Variants in DIP2B observed in about 807,000 individuals in gnomAD.
DIP2B encodes the protein disco-interacting protein 2 homolog B.
Under a neutral mutation model 198.0 loss-of-function variants are expected in DIP2B, and 76 were observed. The observed-to-expected ratio is 0.38, with a 90% CI of 0.32 to 0.46. The LOEUF is 0.46. DIP2B is among the 20% of genes least tolerant of loss of function. The pLI is 0.99. For synonymous variants in DIP2B, 701 were observed against 739.1 expected (o/e 0.95, Z 0.84); for missense variants, 1,559 against 1,978.4 (o/e 0.79, Z 4.02).
chr12:50,734,132 T>C lies in DIP2B; in HGVS notation c.3982-3T>C, dbSNP rs765806636. The C allele has an allele frequency of 1.2e-6, 2 of 1,614,172 alleles. No homozygotes were observed. Among genetic ancestry groups the C allele is most frequent in the Non-Finnish European group, 1.7e-6 (2 of 1,180,006 alleles). Reference sequence around the variant, plus strand: ...AACAACGCATTGATTTGTCTTTCTTTAGGGAACCTCAGGGCCTGATCCGAC... The same window carrying C: ...AACAACGCATTGATTTGTCTTTCTTCAGGGAACCTCAGGGCCTGATCCGAC... On this transcript the variant is annotated splice_polypyrimidine_tract_variant and splice_region_variant and intron_variant, in intron 32 of 37. Coordinates refer to ENST00000301180, the MANE Select transcript of DIP2B (RefSeq NM_173602.3).
intron 2 of DIP2B, among the ~76,000 whole-genome samples, chr12:50,627,340 AT>A (rs940978268): frequency 7.1e-4 from 106 of 148,262 alleles, no homozygotes; most frequent in Non-Finnish European, 1.2e-3. Flanking sequence ...ACTATGAGAA[AT>A]TTTTTTTTTT....
chr12:50,594,191 G>A (rs764327889), intron 1 of DIP2B, among the ~76,000 whole-genome samples: 1 of 151,386 alleles, frequency 6.6e-6, no homozygotes, highest in East Asian at 2.0e-4. Flanking sequence ...TAATCCACCC[G>A]CCTCAGCCTC....
rs1212372531 is a variant in DIP2B at position 50,746,075 on chromosome 12, A to G, written c.*1236A>G. 1.3e-5 allele frequency: 2 copies of G among 152,192 alleles called. No homozygotes were observed. Among genetic ancestry groups the G allele is most frequent in the African/African-American group, 4.8e-5 (2 of 41,450 alleles). The allele number at this position is 152,192 out of a possible 1,614,324, so 9.4% of individuals were successfully genotyped here. A position where few individuals can be genotyped will look rare whatever the true frequency, so the allele number is the denominator to read the frequency against. On this transcript the variant is annotated 3_prime_UTR_variant, in exon 38 of 38. Transcript: ENST00000301180. ...GCCAGGCTTATGCTGAAACCGGGGA[A>G]GTCTGACATATGCAGGAAACTCTTT...
chr12:50,550,130 G>A (rs1387011753), intron 1 of DIP2B, among the ~76,000 whole-genome samples: 1 of 152,116 alleles, frequency 6.6e-6, no homozygotes, highest in Non-Finnish European at 1.5e-5. Flanking sequence ...AAAATGAAAC[G>A]CCTAGAAACT....
intron 34 of DIP2B, 147 bp from the exon 35 acceptor site, chr12:50,736,889 C>A: frequency 1.5e-6 from 1 of 668,278 alleles, no homozygotes; most frequent in East Asian, 2.7e-5. Context: ...CTGCCATGAT[C>A]CCCTCAGGGT....
chr12:50,566,697 C>T (rs4768893), intron 1 of DIP2B, among the ~76,000 whole-genome samples: 35,942 of 151,948 alleles, frequency 0.24, 5,008 homozygotes, highest in East Asian at 0.35. Context: ...TGGCTGGGCG[C>T]AGTGGCTCAC....
At chr12:50,528,042 C>T (rs1191108088) in intron 1 of DIP2B, among the ~76,000 whole-genome samples, 1 of 151,790 alleles carries the variant, frequency 6.6e-6, no homozygotes, top group Non-Finnish European at 1.5e-5. Flanking sequence ...ATCCATCTGC[C>T]TTAGCCTCCC....
intron 2 of DIP2B, among the ~76,000 whole-genome samples, chr12:50,631,305 C>G (rs1938048997): frequency 6.6e-6 from 1 of 152,010 alleles, no homozygotes; most frequent in Admixed American, 6.6e-5. Context: ...TGGCTCACTG[C>G]AACCTCTACC....
chr12:50,718,854 A>G (rs1939781780), intron 24 of DIP2B, 36 bp downstream of exon 24: 8 of 1,612,206 alleles, frequency 5.0e-6, no homozygotes, highest in Non-Finnish European at 6.8e-6. Context: ...CTTACAGTCA[A>G]GTCAAGGACA....
At chr12:50,672,375 C>T (rs1342343766) in intron 5 of DIP2B, among the ~76,000 whole-genome samples, 1 of 152,140 alleles carries the variant, frequency 6.6e-6, no homozygotes, top group African/African-American at 2.4e-5. Context: ...TTTCCTGAGC[C>T]TCCTGAAGCA....
At chr12:50,680,259 T>TAA (rs11394582) in intron 8 of DIP2B, 29,725 of 105,896 alleles carry the variant, frequency 0.28, 4,538 homozygotes, top group East Asian at 0.43. Flanking sequence ...GACTCTGTCT[T>TAA]AAAAAAAAAA....
intron 1 of DIP2B, among the ~76,000 whole-genome samples, chr12:50,573,263 T>G (rs1008947007): frequency 9.2e-5 from 14 of 152,370 alleles, no homozygotes; most frequent in African/African-American, 2.6e-4. Flanking sequence ...AAATAACTGC[T>G]TGAACACCTA....
At chr12:50,588,755 CATT>C (rs1342992413) in intron 1 of DIP2B, among the ~76,000 whole-genome samples, 6 of 152,272 alleles carry the variant, frequency 3.9e-5, no homozygotes, top group Admixed American at 1.3e-4. Flanking sequence ...TTCTGTAGAA[CATT>C]ATAAATTTGG....
intron 14 of DIP2B, 133 bp from the exon 15 acceptor site, chr12:50,695,134 A>G (rs914843562): frequency 1.6e-6 from 1 of 634,126 alleles, no homozygotes; most frequent in African/African-American, 1.9e-5. Flanking sequence ...TTTAATATTT[A>G]AGATTGTTTT....
chr12:50,573,615 A>T (rs1958634147), intron 1 of DIP2B, among the ~76,000 whole-genome samples: 1 of 152,210 alleles, frequency 6.6e-6, no homozygotes, highest in Admixed American at 6.5e-5. Flanking sequence ...CACTTGAGGT[A>T]CTGTTTCAGG....
At chr12:50,696,726 A>G (rs1939319090) in intron 16 of DIP2B, among the ~76,000 whole-genome samples, 1 of 152,214 alleles carries the variant, frequency 6.6e-6, no homozygotes. Context: ...TGGCTATGAC[A>G]GTTCCTCAGG....
At chr12:50,664,830 G>GGTT (rs1938718323) in intron 4 of DIP2B, among the ~76,000 whole-genome samples, 2 of 99,686 alleles carry the variant, frequency 2.0e-5, no homozygotes, top group African/African-American at 8.3e-5. Flanking sequence ...TCCTTTTTTG[G>GGTT]TTTTTGTTTT....
At chr12:50,662,449 G>A (rs1282248678) in intron 4 of DIP2B, among the ~76,000 whole-genome samples, 1 of 152,222 alleles carries the variant, frequency 6.6e-6, no homozygotes, top group Non-Finnish European at 1.5e-5. Flanking sequence ...CTTTGCTCTA[G>A]TGAGGAAATT....
intron 1 of DIP2B, among the ~76,000 whole-genome samples, chr12:50,549,865 G>GT (rs1265917877): frequency 6.6e-6 from 1 of 151,852 alleles, no homozygotes; most frequent in Non-Finnish European, 1.5e-5. Flanking sequence ...TAAATTTTTT[G>GT]TTTTTTTCTT....
Sources: allele counts gnomAD v4.1 joint callset (sites outside exome capture counted in the v4.1 genomes callset), GRCh38; gene constraint gnomAD v4.1.1; transcripts MANE v1.5; gene names NCBI Gene and HGNC (gene_info 2026-07-23, HGNC 2026-07-21).